The following NFIA variants were observed in gnomAD, a reference collection of about 807,000 sequenced individuals.
NFIA encodes nuclear factor 1 A-type.
NFIA carries 8 observed loss-of-function variants against 62.8 expected under a neutral mutation model. That is an observed-to-expected ratio of 0.13 (90% CI 0.07 to 0.23). NFIA has a LOEUF of 0.23. Among genes scored for constraint, NFIA ranks in the 10% least tolerant of loss-of-function variants. NFIA has a pLI of 1.00. For missense variants in NFIA, 410 were observed against 642.1 expected (o/e 0.64, Z 3.91); for synonymous variants, 235 against 238.1 (o/e 0.99, Z 0.12).
chr1:61,287,816 A>G (rs960403723), intron 3 of NFIA, among the ~76,000 whole-genome samples: 6 of 152,174 alleles, frequency 3.9e-5, no homozygotes, highest in Non-Finnish European at 2.9e-5. Flanking sequence ...GTAATTCTCC[A>G]CATATTCCTG....
At chr1:61,240,741 G>A (rs1205671983) in intron 2 of NFIA, among the ~76,000 whole-genome samples, 1 of 151,930 alleles carries the variant, frequency 6.6e-6, no homozygotes, top group African/African-American at 2.4e-5. Flanking sequence ...AACTATATAG[G>A]TCTGGTAATG....
intron 3 of NFIA, among the ~76,000 whole-genome samples, chr1:61,330,437 C>G (rs1332803375): frequency 9.1e-5 from 5 of 54,950 alleles, no homozygotes; most frequent in Non-Finnish European, 1.8e-4. Flanking sequence ...AATAGATACA[C>G]CCCCCCCACA....
At chr1:61,421,638 C>T (rs113027840) in intron 9 of NFIA, among the ~76,000 whole-genome samples, 3,834 of 152,282 alleles carry the variant, frequency 0.025, 68 homozygotes, top group Middle Eastern at 0.054. Context: ...CATTTTCCTC[C>T]TAGCTGCGGC....
chr1:61,162,578 G>T (rs1649288024), intron 2 of NFIA, among the ~76,000 whole-genome samples: 1 of 152,140 alleles, frequency 6.6e-6, no homozygotes, highest in African/African-American at 2.4e-5. Flanking sequence ...GGTTCCACGG[G>T]CACTATCCGT....
rs1400176484 is a variant in NFIA at position 61,352,467 on chromosome 1, A to C, written c.718A>C (p.Thr240Pro). 2.5e-6 allele frequency: 4 copies of C among 1,613,676 alleles called. No homozygotes were observed. The highest frequency in any genetic ancestry group is 3.4e-6 in the Non-Finnish European group (4 of 1,179,784). The change falls in exon 5 of 11, where the codon ACT becomes CCT. Residue 240 changes from threonine (T) to proline (P), a missense_variant. This residue lies in a region of NFIA where 298 missense variants were observed against 438.1 expected (regional missense o/e 0.68). Coordinates refer to ENST00000403491, the MANE Select transcript of NFIA (RefSeq NM_001134673.4). ...RVSQTPIAAGTGPNFSLSDLE... is the reference protein window; with the variant it reads ...RVSQTPIAAGPGPNFSLSDLE... ...AATTCTAGCACCAATAGCTGCAGGA[A>C]CTGGCCCAAATTTTTCTCTCTCAGA...
At chr1:61,410,965 TGTATTATCA>T (rs1275624495) in intron 9 of NFIA, among the ~76,000 whole-genome samples, 3 of 152,158 alleles carry the variant, frequency 2.0e-5, no homozygotes, top group Non-Finnish European at 4.4e-5. Context: ...AAGTGTCTTC[TGTATTATCA>T]GCTTTTCTAG....
Position 61,088,188 on chromosome 1 carries a change from G to C in NFIA, c.67G>C (p.Val23Leu), listed in dbSNP as rs757552796. 6.2e-7 allele frequency: 1 copy of C among 1,613,222 alleles called. No homozygotes were observed. Among genetic ancestry groups the C allele is most frequent in the Non-Finnish European group, 8.5e-7 (1 of 1,179,832 alleles). Residue 23 changes from valine (V) to leucine (L), a missense_variant, in exon 2 of 11, where the codon GTC becomes CTC. By Grantham distance (32) the Val-to-Leu change is conservative. Coordinates refer to ENST00000403491, the MANE Select transcript of NFIA (RefSeq NM_001134673.4). The surrounding 1 kb of genome is among the most constrained non-coding windows in gnomAD (Gnocchi z 4.5). ...TTTCATCGAAGCACTTCTGCCCCAC[G>C]TCCGAGCCTTTGCCTACACATGGTT... ...HPFIEALLPH[V>L]RAFAYTWFNL... is the part of the protein sequence containing the mutation.
chr1:61,243,147 A>G (rs574674314), intron 2 of NFIA, among the ~76,000 whole-genome samples: 12 of 152,252 alleles, frequency 7.9e-5, no homozygotes, highest in African/African-American at 2.6e-4. Context: ...GTAAAACCAA[A>G]TGTTATTGAC....
At chr1:61,214,541 G>A (rs1252356127) in intron 2 of NFIA, among the ~76,000 whole-genome samples, 1 of 152,072 alleles carries the variant, frequency 6.6e-6, no homozygotes, top group Non-Finnish European at 1.5e-5. Flanking sequence ...GAGAAAGAAT[G>A]GCTATTATTA....
At chr1:61,418,630 A>C (rs1242762985) in intron 9 of NFIA, among the ~76,000 whole-genome samples, 1 of 152,188 alleles carries the variant, frequency 6.6e-6, no homozygotes, top group Admixed American at 6.5e-5. Context: ...ACATTACATT[A>C]TTATTTTAAG....
chr1:61,281,490 C>A (rs1408255178), intron 3 of NFIA, among the ~76,000 whole-genome samples: 1 of 152,172 alleles, frequency 6.6e-6, no homozygotes, highest in Non-Finnish European at 1.5e-5. Flanking sequence ...TTAGAGACAT[C>A]TTTAGTGGGT....
In NFIA at chr1:61,310,681, G is replaced by A. The variant is rs182617093; in HGVS notation, c.626-21831G>A. On this transcript the variant is annotated intron_variant, in intron 3 of 10. Transcript: ENST00000403491. ...CAGCTCCAGCCATCACAAACCAAAC[G>A]TGCCACTTGCCTTCTTTCTTTTCTC... 4.6e-4 allele frequency among the ~76,000 whole-genome samples: 70 copies of A among 152,072 alleles called. No homozygotes were observed. The East Asian group carries it at 0.011, about 24-fold the overall frequency.
At chr1:61,364,224 G>A (rs1342436658) in intron 6 of NFIA, among the ~76,000 whole-genome samples, 1 of 152,146 alleles carries the variant, frequency 6.6e-6, no homozygotes, top group Non-Finnish European at 1.5e-5. Context: ...GGGATTACCA[G>A]TGTGAGCCCA....
chr1:61,426,660 CCA>C, intron 10 of NFIA, 104 bp downstream of exon 10: 1 of 831,414 alleles, frequency 1.2e-6, no homozygotes, highest in Non-Finnish European at 2.0e-6. Context: ...CAGACCCTGT[CCA>C]GTCTTCCCTT....
At chr1:61,159,204 C>T (rs1649008998) in intron 2 of NFIA, among the ~76,000 whole-genome samples, 1 of 151,818 alleles carries the variant, frequency 6.6e-6, no homozygotes, top group South Asian at 2.1e-4. Flanking sequence ...ACACTGTAAA[C>T]ATTTTTTACC....
intron 3 of NFIA, among the ~76,000 whole-genome samples, chr1:61,310,582 C>T (rs1660046234): frequency 6.6e-6 from 1 of 152,114 alleles, no homozygotes; most frequent in African/African-American, 2.4e-5. Flanking sequence ...ATTAACTTTC[C>T]CCAAATGCCA....
At chr1:61,367,301 G>T (rs897195223) in intron 6 of NFIA, among the ~76,000 whole-genome samples, 31 of 152,212 alleles carry the variant, frequency 2.0e-4, no homozygotes, top group African/African-American at 2.4e-5. Flanking sequence ...TAAAAAGGCA[G>T]CGACTGGTAA....
chr1:61,395,426 C>T (rs1266000075), intron 7 of NFIA, among the ~76,000 whole-genome samples: 1 of 152,050 alleles, frequency 6.6e-6, no homozygotes, highest in Non-Finnish European at 1.5e-5. Flanking sequence ...TTCCATTTCA[C>T]TTCCAACAGG....
chr1:61,399,355 T>C (rs1222768176), intron 7 of NFIA, among the ~76,000 whole-genome samples: 1 of 152,174 alleles, frequency 6.6e-6, no homozygotes, highest in African/African-American at 2.4e-5. Context: ...TATTTTATTG[T>C]TTGTGTTGCT....
Sources: gnomAD v4.1 joint callset for allele counts (sites outside exome capture counted in the v4.1 genomes callset) on GRCh38, gnomAD v4.1.1 for gene constraint, gnomAD v4.1.1 regional missense constraint, Gnocchi (gnomAD v3.1) non-coding constraint, MANE v1.5 for transcripts, NCBI Gene and HGNC (gene_info 2026-07-23, HGNC 2026-07-21) for gene names.